Variants in TENM4 observed in about 807,000 individuals in gnomAD.
TENM4 encodes the protein teneurin transmembrane protein 4, also known as teneurin-4.
Under a neutral mutation model 243.3 loss-of-function variants are expected in TENM4, and 82 were observed. The observed-to-expected ratio is 0.34, with a 90% confidence interval of 0.28 to 0.40. TENM4 has a LOEUF of 0.40. Among genes scored for constraint, TENM4 ranks in the 10% least tolerant of loss-of-function variants. The pLI is 1.00. For missense variants in TENM4, 3,138 were observed against 3,673.3 expected, an observed-to-expected ratio of 0.85 and a Z score of 3.77; for synonymous variants, 1,412 against 1,456.3, an observed-to-expected ratio of 0.97 and a Z score of 0.69.
intron 6 of TENM4, among the ~76,000 whole-genome samples, chr11:79,059,654 G>C (rs1860036530): frequency 6.6e-6 from 1 of 152,210 alleles, no homozygotes; most frequent in Non-Finnish European, 1.5e-5. Flanking sequence ...AGTGGCATTA[G>C]TGTAGTCACA....
intron 1 of TENM4, among the ~76,000 whole-genome samples, chr11:79,331,645 A>G (rs1256730202): frequency 7.8e-6 from 1 of 128,514 alleles, no homozygotes; most frequent in African/African-American, 2.8e-5. Context: ...GGGAAACTCA[A>G]CTCACTTCTA....
intron 18 of TENM4, among the ~76,000 whole-genome samples, chr11:78,764,876 T>C (rs966793737): frequency 1.3e-5 from 2 of 151,860 alleles, no homozygotes; most frequent in African/African-American, 4.8e-5. Context: ...GATTATTTCC[T>C]GGAAGACAGA....
chr11:79,106,105 G>C (rs1861358683), intron 4 of TENM4, among the ~76,000 whole-genome samples: 1 of 152,150 alleles, frequency 6.6e-6, no homozygotes, highest in African/African-American at 2.4e-5. Context: ...ATATGAAGTG[G>C]AAATCATTAT....
At chr11:79,382,196 C>T (rs558404565) in intron 1 of TENM4, among the ~76,000 whole-genome samples, 10 of 152,246 alleles carry the variant, frequency 6.6e-5, no homozygotes, top group South Asian at 4.1e-4. Context: ...CTCGTCTGGC[C>T]GGGCAGCCTT....
chr11:79,042,515 G>C (rs1262624354), intron 6 of TENM4, among the ~76,000 whole-genome samples: 1 of 152,230 alleles, frequency 6.6e-6, no homozygotes, highest in African/African-American at 2.4e-5. Context: ...GACACAGAAA[G>C]CACCATCTGA....
chr11:78,958,378 C>T (rs931896796), intron 6 of TENM4, among the ~76,000 whole-genome samples: 1 of 152,196 alleles, frequency 6.6e-6, no homozygotes, highest in Admixed American at 6.5e-5. Flanking sequence ...GGGGTAGGGA[C>T]GAATACCTAC....
Position 78,675,760 on chromosome 11 carries a change from T to A in TENM4, c.5496+392A>T, listed in dbSNP as rs142552703. Among the ~76,000 whole-genome samples, 4 of 152,320 alleles carry A rather than the reference T, an allele frequency of 2.6e-5. 1 individual carries two copies. The highest frequency in any genetic ancestry group is 2.6e-4 in the Admixed American group (4 of 15,306). ...ATAACAATAACAATAAGAGTAGCTA[T>A]TATTGACCACTTGCTATGAGCCAGA... On this transcript the variant is annotated intron_variant, in intron 30 of 33. Coordinates refer to ENST00000278550, the MANE Select transcript of TENM4 (RefSeq NM_001098816.3).
chr11:78,757,160 G>T (rs1183163146), intron 18 of TENM4, 139 bp from the exon 19 acceptor site: 6 of 864,684 alleles, frequency 6.9e-6, no homozygotes, highest in Admixed American at 2.7e-5. Context: ...CAAAGTCTTT[G>T]CTGGGCACCA....
rs1411544561 is a variant in TENM4 at position 78,657,760 on chromosome 11, T to C, written c.*298A>G. The stretch of plus-strand genomic sequence containing the variant: ...CAGGAGATGCATCTCAGAGAGGAGA[T>C]ACATACCCCAAACGACAAGGGAAAA... On this transcript the variant is annotated 3_prime_UTR_variant, in exon 34 of 34. Transcript: ENST00000278550. 6.1e-6 allele frequency: 3 copies of C among 493,726 alleles called. No individual in the cohort carries two copies. Among genetic ancestry groups the C allele is most frequent in the Non-Finnish European group, 1.1e-5 (3 of 273,348 alleles). 30.6% of individuals were successfully genotyped at this position (493,726 alleles called of 1,614,324 possible).
At chr11:79,284,141 A>G (rs1856207266) in intron 2 of TENM4, among the ~76,000 whole-genome samples, 1 of 152,208 alleles carries the variant, frequency 6.6e-6, no homozygotes, top group African/African-American at 2.4e-5. Context: ...AAATTTATTT[A>G]TAGATTTAAT....
Position 78,657,025 on chromosome 11 carries a change from A to C in TENM4, c.*1033T>G, listed in dbSNP as rs1590915318. The C allele has an allele frequency of 2.5e-6, 1 of 398,530 alleles. No homozygotes were observed. Among genetic ancestry groups the C allele is most frequent in the East Asian group, 3.6e-5 (1 of 28,056 alleles). 24.7% of individuals were successfully genotyped at this position (398,530 alleles called of 1,614,324 possible). A position where few individuals can be genotyped will look rare whatever the true frequency, so the allele number is the denominator to read the frequency against. On this transcript the variant is annotated 3_prime_UTR_variant, in exon 34 of 34. Coordinates refer to ENST00000278550, the MANE Select transcript of TENM4 (RefSeq NM_001098816.3). The stretch of plus-strand genomic sequence containing the variant: ...CTGAGTGGTGGAGGGAAGATACTCA[A>C]AGTCATAGAGAGAGGGCTTTGCCTC...
intron 2 of TENM4, among the ~76,000 whole-genome samples, chr11:79,239,322 A>C (rs1864544530): frequency 6.6e-6 from 1 of 152,234 alleles, no homozygotes; most frequent in African/African-American, 2.4e-5. Flanking sequence ...TCCACGAAAA[A>C]TACAACCAGA....
At chr11:79,008,320 A>AAG (rs927310230) in intron 6 of TENM4, among the ~76,000 whole-genome samples, 6 of 152,194 alleles carry the variant, frequency 3.9e-5, no homozygotes, top group African/African-American at 1.4e-4. Context: ...GGTGATTGCA[A>AAG]AGACAAATGG....
At chr11:78,965,050 T>C (rs188397877) in intron 6 of TENM4, among the ~76,000 whole-genome samples, 2 of 152,156 alleles carry the variant, frequency 1.3e-5, no homozygotes, top group African/African-American at 2.4e-5. Flanking sequence ...GTATTTTTAG[T>C]AGAGACGGGG....
chr11:78,984,710 C>T (rs930396640), intron 6 of TENM4, among the ~76,000 whole-genome samples: 1 of 152,148 alleles, frequency 6.6e-6, no homozygotes, highest in Non-Finnish European at 1.5e-5. Flanking sequence ...TACCGGTAAC[C>T]ACAGCCAATA....
chr11:79,417,780 C>A (rs983406470), intron 1 of TENM4, among the ~76,000 whole-genome samples: 4 of 152,142 alleles, frequency 2.6e-5, no homozygotes, highest in Non-Finnish European at 5.9e-5. Context: ...CACTCCATAT[C>A]CCCCAGGTAT....
intron 1 of TENM4, among the ~76,000 whole-genome samples, chr11:79,373,995 G>A (rs1857839083): frequency 1.3e-5 from 2 of 152,152 alleles, no homozygotes; most frequent in African/African-American, 4.8e-5. Flanking sequence ...AAAGCAGGTA[G>A]GAGAGGGGGG....
At chr11:78,742,349 C>T (rs1211032542) in intron 19 of TENM4, among the ~76,000 whole-genome samples, 4 of 152,150 alleles carry the variant, frequency 2.6e-5, no homozygotes, top group African/African-American at 9.7e-5. Flanking sequence ...CTTCTGAGGC[C>T]TTAATCTTAC....
At chr11:79,101,597 T>A (rs1211917655) in intron 4 of TENM4, among the ~76,000 whole-genome samples, 1 of 152,196 alleles carries the variant, frequency 6.6e-6, no homozygotes, top group African/African-American at 2.4e-5. Context: ...CTTCTCTGGG[T>A]TCCTTGTGTT....
Sources: gnomAD v4.1 joint callset for allele counts (sites outside exome capture counted in the v4.1 genomes callset) on GRCh38, gnomAD v4.1.1 for gene constraint, MANE v1.5 for transcripts, NCBI Gene and HGNC (gene_info 2026-07-23, HGNC 2026-07-21) for gene names.